Variants in MROH9 observed in about 807,000 individuals in gnomAD.
MROH9 encodes maestro heat-like repeat-containing protein family member 9.
A neutral mutation model predicts 98.2 loss-of-function variants in MROH9; 92 were observed. The ratio of observed to expected loss-of-function variants is 0.94; its 90% CI spans 0.79 to 1.11. MROH9 has a LOEUF of 1.11. Among genes scored for constraint, MROH9 ranks in the 50% most tolerant of loss-of-function variants. MROH9 has a pLI of 0.00. For missense variants in MROH9, 1,057 were observed against 1,014.8 expected (o/e 1.04, Z -0.57); for synonymous variants, 397 against 368.9 (o/e 1.08, Z -0.87).
At chr1:171,059,938 C>T (rs1395666803) in intron 20 of MROH9, among the ~76,000 whole-genome samples, 4 of 151,386 alleles carry the variant, frequency 2.6e-5, no homozygotes, top group Admixed American at 2.6e-4. Context: ...AAAAATTTTA[C>T]TTAAAATAAA....
rs538217043 is a variant in MROH9, at chr1:171,015,190, T to C, written c.1734+936T>C. 3.6e-4 allele frequency: 140 copies of C among 389,650 alleles called. 1 individual carries two copies. The highest frequency in any genetic ancestry group is 2.7e-3 in the South Asian group (136 of 50,204). 24.1% of individuals were successfully genotyped at this position (389,650 alleles called of 1,614,324 possible). On this transcript the variant is annotated intron_variant, in intron 16 of 21. Coordinates refer to ENST00000367759, the MANE Select transcript of MROH9 (RefSeq NM_001163629.2). ...GAAGCCTATCAGTGGACACCCGTTG[T>C]GCATTTAGAATGACATAAGCCATGG...
At chr1:170,982,894 CAA>C in intron 8 of MROH9, among the ~76,000 whole-genome samples, 1 of 151,832 alleles carries the variant, frequency 6.6e-6, no homozygotes, top group South Asian at 2.1e-4. Flanking sequence ...GATCCGGGCT[CAA>C]AAAAGACAAA....
At chr1:171,052,389 G>A (rs1653697784) in intron 20 of MROH9, among the ~76,000 whole-genome samples, 1 of 152,166 alleles carries the variant, frequency 6.6e-6, no homozygotes, top group Non-Finnish European at 1.5e-5. Context: ...AGGGGGTAAA[G>A]CACCCAGTGA....
intron 20 of MROH9, among the ~76,000 whole-genome samples, chr1:171,027,068 A>G (rs1003491808): frequency 6.6e-6 from 1 of 152,174 alleles, no homozygotes; most frequent in Non-Finnish European, 1.5e-5. Flanking sequence ...AAAACCATCA[A>G]TGAAAAATTC....
intron 20 of MROH9, among the ~76,000 whole-genome samples, chr1:171,041,988 A>G (rs548983144): frequency 1.3e-5 from 2 of 152,206 alleles, no homozygotes; most frequent in South Asian, 4.1e-4. Context: ...CCTTTGAATT[A>G]CAAACAATCC....
At chr1:170,963,304 A>T (rs762555157) in intron 6 of MROH9, among the ~76,000 whole-genome samples, 3 of 152,052 alleles carry the variant, frequency 2.0e-5, no homozygotes, top group Non-Finnish European at 2.9e-5. Flanking sequence ...AGTCAGAATG[A>T]CTATTCTTAA....
At position 171,064,197 on chromosome 1, in the gene MROH9, G is replaced by T; in HGVS notation, c.2443G>T (p.Ala815Ser). Residue 815 changes from alanine to serine, a missense_variant, in exon 22 of 22, where the codon GCA (alanine) becomes TCA (serine). Transcript: ENST00000367759. Reference sequence around the variant, plus strand: ...GAAAAAAGCCCATAAACTGACCTCTGCACCTCTTAAACAAAACTTCCAAAA... The same window carrying T: ...GAAAAAAGCCCATAAACTGACCTCTTCACCTCTTAAACAAAACTTCCAAAA... ...FKKKAHKLTSAPLKQNFQKLL... is the reference protein window; with the variant it reads ...FKKKAHKLTSSPLKQNFQKLL... The T allele has an allele frequency of 6.4e-7, 1 of 1,551,382 alleles. No individual in the cohort carries two copies. Among genetic ancestry groups the T allele is most frequent in the Non-Finnish European group, 8.7e-7 (1 of 1,146,918 alleles).
At chr1:171,048,751 C>T (rs1163786638) in intron 20 of MROH9, among the ~76,000 whole-genome samples, 2 of 152,156 alleles carry the variant, frequency 1.3e-5, no homozygotes, top group Non-Finnish European at 2.9e-5. Context: ...TGGTAATGTA[C>T]TGAGTCTCAA....
At chr1:170,945,878 C>T (rs538099232) in intron 2 of MROH9, among the ~76,000 whole-genome samples, 2 of 152,024 alleles carry the variant, frequency 1.3e-5, no homozygotes, top group East Asian at 1.9e-4. Flanking sequence ...TACCACTTGT[C>T]CAGTAAACTT....
chr1:171,031,444 A>C (rs944330721), intron 20 of MROH9, among the ~76,000 whole-genome samples: 1 of 152,024 alleles, frequency 6.6e-6, no homozygotes, highest in Non-Finnish European at 1.5e-5. Context: ...CATGTTTAGC[A>C]CTTCTCTCAG....
intron 20 of MROH9, among the ~76,000 whole-genome samples, chr1:171,038,186 T>G (rs952982602): frequency 6.6e-6 from 1 of 152,094 alleles, no homozygotes; most frequent in Non-Finnish European, 1.5e-5. Context: ...GTCTAAAGAA[T>G]CTTTACTAAC....
intron 17 of MROH9, among the ~76,000 whole-genome samples, chr1:171,021,615 A>T (rs1652521816): frequency 6.6e-6 from 1 of 151,624 alleles, no homozygotes; most frequent in Admixed American, 6.6e-5. Context: ...ACATGGCTTA[A>T]AGACTTAAAT....
chr1:171,027,038 A>G (rs999333736), intron 20 of MROH9, among the ~76,000 whole-genome samples: 1 of 152,218 alleles, frequency 6.6e-6, no homozygotes, highest in Non-Finnish European at 1.5e-5. Context: ...AGGGTTGAGA[A>G]ATGTTAGCAA....
intron 20 of MROH9, among the ~76,000 whole-genome samples, chr1:171,061,681 T>C (rs1024224304): frequency 5.3e-5 from 8 of 152,294 alleles, no homozygotes; most frequent in Non-Finnish European, 4.4e-5. Flanking sequence ...CAAGAAAACT[T>C]TATTTGCTAG....
At chr1:171,060,220 A>G (rs1032075297) in intron 20 of MROH9, among the ~76,000 whole-genome samples, 2 of 152,212 alleles carry the variant, frequency 1.3e-5, no homozygotes, top group Non-Finnish European at 2.9e-5. Context: ...ACCTTAAAAT[A>G]AAACTAAGAA....
intron 20 of MROH9, among the ~76,000 whole-genome samples, chr1:171,033,707 C>T (rs948235727): frequency 2.0e-5 from 3 of 152,158 alleles, no homozygotes; most frequent in African/African-American, 7.2e-5. Flanking sequence ...AGCCTCTGAA[C>T]GCTGCTGTTT....
chr1:170,975,531 T>G (rs1650649402), intron 8 of MROH9, among the ~76,000 whole-genome samples: 3 of 152,168 alleles, frequency 2.0e-5, no homozygotes, highest in Admixed American at 2.0e-4. Context: ...ATTAGGTCCT[T>G]TCTCATCCCT....
At chr1:170,972,024 T>C (rs1184205611) in intron 8 of MROH9, 141 bp downstream of exon 8, 2 of 941,466 alleles carry the variant, frequency 2.1e-6, no homozygotes, top group African/African-American at 3.3e-5. Context: ...CTAAAATGTG[T>C]CTTTTAATCT....
intron 20 of MROH9, among the ~76,000 whole-genome samples, chr1:171,037,745 T>C (rs966006625): frequency 1.3e-5 from 2 of 151,930 alleles, no homozygotes; most frequent in Non-Finnish European, 2.9e-5. Flanking sequence ...AATAGACAGA[T>C]AAATAGGACA....
Sources: gnomAD v4.1 joint callset for allele counts (sites outside exome capture counted in the v4.1 genomes callset) on GRCh38, gnomAD v4.1.1 for gene constraint, MANE v1.5 for transcripts, NCBI Gene and HGNC (gene_info 2026-07-23, HGNC 2026-07-21) for gene names.